Variants in AKAP12 observed in about 807,000 individuals in gnomAD.
The protein encoded by AKAP12 is A-kinase anchoring protein 12.
Under a neutral mutation model 79.9 loss-of-function variants are expected in AKAP12, and 32 were observed. The observed-to-expected ratio is 0.40, with a 90% CI of 0.30 to 0.54. The LOEUF (loss-of-function observed/expected upper bound fraction) is 0.54. Ranked by LOEUF, AKAP12 falls within the 20% of genes least tolerant of loss-of-function variation. AKAP12 has a pLI of 0.48. For synonymous variants in AKAP12, 808 were observed against 857.0 expected (o/e 0.94, Z 1.00); for missense variants, 2,074 against 2,177.0 (o/e 0.95, Z 0.94).
chr6:151,280,050 T>TA (rs35294660), intron 2 of AKAP12, among the ~76,000 whole-genome samples: 2 of 150,228 alleles, frequency 1.3e-5, no homozygotes, highest in South Asian at 2.1e-4. Context: ...TTTTTTTTTT[T>TA]AAATATGCAT....
chr6:151,334,125 CA>C (rs1777750402), intron 3 of AKAP12, among the ~76,000 whole-genome samples: 1 of 151,932 alleles, frequency 6.6e-6, no homozygotes, highest in Non-Finnish European at 1.5e-5. Context: ...AAACACAAAA[CA>C]AAAACAGAAA....
At chr6:151,336,884 G>A (rs1347207280) in intron 3 of AKAP12, among the ~76,000 whole-genome samples, 1 of 152,104 alleles carries the variant, frequency 6.6e-6, no homozygotes, top group African/African-American at 2.4e-5. Context: ...AAATGTCTAA[G>A]AACAGAGATT....
At chr6:151,310,986 T>C (rs558069896) in intron 3 of AKAP12, among the ~76,000 whole-genome samples, 26 of 152,226 alleles carry the variant, frequency 1.7e-4, no homozygotes, top group African/African-American at 6.3e-4. Context: ...GTTTTTTTTT[T>C]AAAGAGGCCC....
intron 3 of AKAP12, among the ~76,000 whole-genome samples, chr6:151,312,885 G>T (rs1165859812): frequency 6.6e-6 from 1 of 152,028 alleles, no homozygotes; most frequent in Non-Finnish European, 1.5e-5. Context: ...GGTGAGGGGG[G>T]CTGTTTAGTT....
chr6:151,355,725 A>G lies in AKAP12; in HGVS notation c.*13-2A>G, dbSNP rs1188520355. The G allele has an allele frequency of 6.6e-6, 1 of 152,654 alleles. No homozygotes were observed. Among genetic ancestry groups the G allele is most frequent in the African/African-American group, 2.4e-5 (1 of 41,440 alleles). 9.5% of individuals were successfully genotyped at this position (152,654 alleles called of 1,614,324 possible). The stretch of plus-strand genomic sequence containing the variant: ...TTACGCTGATTCTTCCTCCTCCTAC[A>G]GTTAAACTCATTGTCTGTTTGGAAG... On this transcript the variant is annotated splice_acceptor_variant, in intron 4 of 4. Transcript: ENST00000402676. LOFTEE classifies it low-confidence loss of function (3UTR_SPLICE).
chr6:151,261,729 A>ATTGTT lies in AKAP12; in HGVS notation c.162+21007_162+21008insGTTTT, dbSNP rs1476286197. 6.4e-5 allele frequency among the ~76,000 whole-genome samples: 9 copies of ATTGTT among 141,694 alleles called. No individual in the cohort carries two copies. The East Asian group carries it at 8.8e-4, about 14-fold the overall frequency. 93.0% of individuals were successfully genotyped at this position (141,694 alleles called of 152,430 possible). A position where few individuals can be genotyped will look rare whatever the true frequency, so the allele number is the denominator to read the frequency against. ...ACAAACAAGAACAACAGTGGTTTTT[A>ATTGTT]TTATTTTATTTATTTATTTATTTAT... On this transcript the variant is annotated intron_variant, in intron 2 of 4. Coordinates refer to ENST00000402676, the MANE Select transcript of AKAP12 (RefSeq NM_005100.4).
At chr6:151,303,283 C>CT (rs1465683418) in intron 2 of AKAP12, among the ~76,000 whole-genome samples, 2 of 152,140 alleles carry the variant, frequency 1.3e-5, no homozygotes, top group Admixed American at 1.3e-4. Context: ...CTACCCCCTG[C>CT]TTTTGTCTTT....
At chr6:151,337,210 A>G (rs1777836688) in intron 3 of AKAP12, among the ~76,000 whole-genome samples, 1 of 152,096 alleles carries the variant, frequency 6.6e-6, no homozygotes, top group African/African-American at 2.4e-5. Flanking sequence ...ATTTTTTAAA[A>G]AAAATAACTT....
Position 151,351,841 on chromosome 6 carries a change from G to A in AKAP12, c.3450G>A (p.Gln1150=). ...QAETLAGVKS[Q]EMVMEQAIPP... ...AAACCTTAGCTGGGGTAAAATCACA[G>A]GAGATGGTGATGGAACAGGCTATCC... The change falls in exon 4 of 5, where the codon CAG becomes CAA. Residue 1150 remains glutamine (Q), a synonymous_variant. Coordinates refer to ENST00000402676, the MANE Select transcript of AKAP12 (RefSeq NM_005100.4). This position sits in a 1 kb window ranked among gnomAD's most constrained non-coding sequence, Gnocchi z 4.4. 6.2e-7 allele frequency: 1 copy of A among 1,614,064 alleles called. No individual in the cohort carries two copies. Among genetic ancestry groups the A allele is most frequent in the Non-Finnish European group, 8.5e-7 (1 of 1,180,010 alleles).
chr6:151,334,760 T>C (rs1296550448), intron 3 of AKAP12, among the ~76,000 whole-genome samples: 2 of 151,550 alleles, frequency 1.3e-5, no homozygotes, highest in Non-Finnish European at 2.9e-5. Context: ...TAGCTGGGAC[T>C]ACAGGCGCCC....
intron 2 of AKAP12, among the ~76,000 whole-genome samples, chr6:151,304,346 A>C (rs1193923080): frequency 1.3e-5 from 2 of 151,438 alleles, no homozygotes; most frequent in African/African-American, 4.8e-5. Context: ...AAAATTAGCC[A>C]GGCATGGTGG....
rs934699367 is a variant in AKAP12, at chr6:151,250,430, C to T, written c.162+9706C>T. 4.6e-5 allele frequency among the ~76,000 whole-genome samples: 7 copies of T among 151,134 alleles called. No individual in the cohort carries two copies. In the East Asian group the frequency reaches 8.0e-4, roughly 17 times the overall value. On this transcript the variant is annotated intron_variant, in intron 2 of 4. Transcript: ENST00000402676. ...AGGAGAATCGCTTGAACACGGGAGG[C>T]GGAGCTTGCAGTGAAGCCGAGATTG...
At chr6:151,265,446 C>T (rs965373412) in intron 2 of AKAP12, among the ~76,000 whole-genome samples, 3 of 152,054 alleles carry the variant, frequency 2.0e-5, no homozygotes, top group African/African-American at 7.2e-5. Context: ...AAAAATGGTC[C>T]AAAAATCAGA....
At chr6:151,302,156 G>T (rs1308203884) in intron 2 of AKAP12, among the ~76,000 whole-genome samples, 1 of 151,578 alleles carries the variant, frequency 6.6e-6, no homozygotes, top group Non-Finnish European at 1.5e-5. Flanking sequence ...GATTATAGGC[G>T]CACACCACCA....
intron 3 of AKAP12, among the ~76,000 whole-genome samples, chr6:151,312,477 AAAAAT>A (rs759621051): frequency 2.8e-4 from 42 of 151,774 alleles, no homozygotes; most frequent in Middle Eastern, 3.4e-3. Context: ...CCCTGTCTCA[AAAAAT>A]AAAATAAAAT....
At chr6:151,265,008 G>A (rs12204976) in intron 2 of AKAP12, among the ~76,000 whole-genome samples, 11,978 of 151,928 alleles carry the variant, frequency 0.079, 660 homozygotes, top group African/African-American at 0.13. Context: ...AAAATTAGCC[G>A]GGCATGATGG....
chr6:151,265,293 G>A (rs1013003012), intron 2 of AKAP12, among the ~76,000 whole-genome samples: 2 of 151,532 alleles, frequency 1.3e-5, no homozygotes, highest in East Asian at 3.9e-4. Flanking sequence ...AAGTGTACAG[G>A]TCAGTGGGTT....
intron 3 of AKAP12, chr6:151,324,259 C>G (rs1777467884): frequency 1.0e-6 from 1 of 985,322 alleles, no homozygotes; most frequent in Admixed American, 6.1e-5. Flanking sequence ...CAAGGCCCAT[C>G]ATTCCCTGTT....
rs538883287 is a variant in AKAP12 at position 151,261,712 on chromosome 6, GAAC to G, written c.162+20993_162+20995del. On this transcript the variant is annotated intron_variant, in intron 2 of 4. Coordinates refer to ENST00000402676, the MANE Select transcript of AKAP12 (RefSeq NM_005100.4). ...CAGACTCCATCTCAAAAACAAACAAGAACAACAGTGGTTTTTATTATTTTATTT... is the reference window on the plus strand; with the variant it reads ...CAGACTCCATCTCAAAAACAAACAAGAACAGTGGTTTTTATTATTTTATTT... Among the ~76,000 whole-genome samples, 3 of 148,500 alleles carry G rather than the reference GAAC, an allele frequency of 2.0e-5. No homozygotes were observed. In the South Asian group the frequency reaches 6.7e-4, roughly 33 times the overall value.
Sources: gnomAD v4.1 joint callset for allele counts (sites outside exome capture counted in the v4.1 genomes callset) on GRCh38, gnomAD v4.1.1 for gene constraint, Gnocchi (gnomAD v3.1) non-coding constraint, MANE v1.5 for transcripts, NCBI Gene and HGNC (gene_info 2026-07-23, HGNC 2026-07-21) for gene names.